Variants in NR2C2 observed in about 807,000 individuals in gnomAD.
NR2C2 encodes the protein nuclear receptor subfamily 2 group C member 2.
Under a neutral mutation model 62.9 loss-of-function variants are expected in NR2C2, and 6 were observed. That is an observed-to-expected ratio of 0.10 (90% CI 0.05 to 0.19). The LOEUF (loss-of-function observed/expected upper bound fraction) is 0.19, where lower values mean the gene tolerates loss of function less well. Among genes scored for constraint, NR2C2 ranks in the 10% least tolerant of loss-of-function variants. NR2C2 has a pLI of 1.00. For missense variants in NR2C2, 479 were observed against 762.7 expected, an observed-to-expected ratio of 0.63 and a Z score of 4.38; for synonymous variants, 272 against 273.8, an observed-to-expected ratio of 0.99 and a Z score of 0.07.
chr3:15,036,701 A>G (rs2042112679), intron 11 of NR2C2, among the ~76,000 whole-genome samples: 1 of 152,188 alleles, frequency 6.6e-6, no homozygotes, highest in African/African-American at 2.4e-5. Flanking sequence ...TGTGCTGCCT[A>G]GGCTTGGAAT....
In NR2C2 at chr3:15,043,084, T is replaced by C; in HGVS notation, c.*76T>C. On this transcript the variant is annotated 3_prime_UTR_variant, in exon 14 of 14. Transcript: ENST00000425241. ...ACATACAAAGAAAAGTAGTGGTATT[T>C]TGGTATGTGCAAATATTTCCATATG... 7.1e-7 allele frequency: 1 copy of C among 1,413,456 alleles called. No homozygotes were observed. The highest frequency in any genetic ancestry group is 1.5e-5 in the South Asian group (1 of 67,640). The allele number at this position is 1,413,456 out of a possible 1,614,324, so 87.6% of individuals were successfully genotyped here.
chr3:15,004,663 A>G, intron 2 of NR2C2: 1 of 1,592,180 alleles, frequency 6.3e-7, no homozygotes, highest in Non-Finnish European at 8.6e-7. Flanking sequence ...GGGATAATAT[A>G]TTGATGACAA....
chr3:15,001,677 C>G (rs2041007899), intron 1 of NR2C2, among the ~76,000 whole-genome samples: 1 of 152,018 alleles, frequency 6.6e-6, no homozygotes, highest in Admixed American at 6.6e-5. Context: ...TGTGTAGTGA[C>G]ACAATCATGG....
At chr3:14,955,130 T>C (rs1247434928) in intron 1 of NR2C2, among the ~76,000 whole-genome samples, 1 of 152,118 alleles carries the variant, frequency 6.6e-6, no homozygotes, top group Non-Finnish European at 1.5e-5. Flanking sequence ...CGAGCCTGGC[T>C]GGTTTGTGCC....
intron 1 of NR2C2, among the ~76,000 whole-genome samples, chr3:14,999,470 AAC>A (rs1182485368): frequency 6.6e-6 from 1 of 152,208 alleles, no homozygotes; most frequent in East Asian, 1.9e-4. Context: ...TAGCACAGGC[AAC>A]AGAGTAAGAG....
intron 5 of NR2C2, 25 bp from the exon 6 acceptor site, chr3:15,023,175 A>G (rs1380427772): frequency 2.5e-6 from 4 of 1,610,914 alleles, no homozygotes; most frequent in Middle Eastern, 1.7e-4. Flanking sequence ...TTCTCTAAAC[A>G]CAAATATTTA....
intron 2 of NR2C2, among the ~76,000 whole-genome samples, chr3:15,012,110 T>C (rs1481892129): frequency 1.3e-5 from 2 of 152,230 alleles, no homozygotes; most frequent in East Asian, 3.8e-4. Context: ...ATTGAATCTT[T>C]TCTTGCCTAT....
chr3:14,954,306 A>C (rs1559524867), intron 1 of NR2C2, among the ~76,000 whole-genome samples: 1 of 150,960 alleles, frequency 6.6e-6, no homozygotes, highest in Non-Finnish European at 1.5e-5. Context: ...TTTCTAAAGA[A>C]ATAAACAATG....
At chr3:15,016,334 A>T in intron 4 of NR2C2, 80 bp downstream of exon 4, 1 of 965,122 alleles carries the variant, frequency 1.0e-6, no homozygotes, top group Non-Finnish European at 1.6e-6. Context: ...GTGGTAGTTA[A>T]TTTAGAAGGA....
Position 15,047,357 on chromosome 3 carries a change from C to T in NR2C2, c.*4349C>T, listed in dbSNP as rs940996451. On this transcript the variant is annotated 3_prime_UTR_variant, in exon 14 of 14. Coordinates refer to ENST00000425241, the MANE Select transcript of NR2C2 (RefSeq NM_001291694.2). ...AGAGGTTCTGACAGGGTGACATTTCCGTATATTCTCTAGGTTCGGACAAGA... is the reference window on the plus strand; with the variant it reads ...AGAGGTTCTGACAGGGTGACATTTCTGTATATTCTCTAGGTTCGGACAAGA... The T allele has an allele frequency of 6.6e-6, 1 of 152,146 alleles. No individual in the cohort carries two copies. The highest frequency in any genetic ancestry group is 2.4e-5 in the African/African-American group (1 of 41,436). The allele number at this position is 152,146 out of a possible 1,614,324, so 9.4% of individuals were successfully genotyped here.
chr3:15,011,756 G>T (rs1057028444), intron 2 of NR2C2, among the ~76,000 whole-genome samples: 1 of 152,134 alleles, frequency 6.6e-6, no homozygotes, highest in Non-Finnish European at 1.5e-5. Context: ...TGCCTCTCTG[G>T]TCTTGCACTT....
chr3:14,976,909 A>G (rs2040222934), intron 1 of NR2C2, among the ~76,000 whole-genome samples: 1 of 151,912 alleles, frequency 6.6e-6, no homozygotes, highest in South Asian at 2.1e-4. Context: ...CTGGTTGTTA[A>G]GATCTTTTCT....
chr3:15,014,635 G>C (rs1184965488), intron 3 of NR2C2, among the ~76,000 whole-genome samples: 1 of 151,956 alleles, frequency 6.6e-6, no homozygotes, highest in East Asian at 1.9e-4. Context: ...TGTACTCATT[G>C]AATAGTAACT....
intron 7 of NR2C2, 45 bp downstream of exon 7, chr3:15,024,253 T>C (rs753882482): frequency 1.5e-6 from 2 of 1,355,400 alleles, no homozygotes; most frequent in South Asian, 2.6e-5. Context: ...TATGTTGACA[T>C]TGCAGGCTGC....
intron 7 of NR2C2, chr3:15,025,638 T>C (rs1315410052): frequency 2.0e-5 from 3 of 152,258 alleles, no homozygotes; most frequent in Admixed American, 6.5e-5. Flanking sequence ...GAAGTAATTA[T>C]ACATTTAAAA....
At chr3:15,006,857 C>A (rs1223216887) in intron 2 of NR2C2, among the ~76,000 whole-genome samples, 1 of 151,260 alleles carries the variant, frequency 6.6e-6, no homozygotes, top group Non-Finnish European at 1.5e-5. Flanking sequence ...CTCACTGCAA[C>A]TTCTGCCTCC....
intron 7 of NR2C2, 42 bp downstream of exon 7, chr3:15,024,250 A>C: frequency 1.4e-6 from 2 of 1,379,454 alleles, no homozygotes. Flanking sequence ...CTTTATGTTG[A>C]CATTGCAGGC....
chr3:15,003,996 A>G lies in NR2C2; in HGVS notation c.72+10A>G, dbSNP rs369151777. On this transcript the variant is annotated intron_variant, in intron 2 of 13. Coordinates refer to ENST00000425241, the MANE Select transcript of NR2C2 (RefSeq NM_001291694.2). ...ACCTCAGCGCATTCAGGTACCTGCA[A>G]CCTGCCAATGGCAACCCTGCCTTTC... The G allele has an allele frequency of 4.4e-5, 70 of 1,603,078 alleles. No homozygotes were observed. The East Asian group carries it at 6.1e-4, about 14-fold the overall frequency.
intron 10 of NR2C2, 78 bp from the exon 11 acceptor site, chr3:15,034,592 G>T: frequency 6.7e-7 from 1 of 1,483,350 alleles, no homozygotes; most frequent in East Asian, 2.3e-5. Context: ...GAAATGCTGG[G>T]ACTTAGTGCC....
Sources: gnomAD v4.1 joint callset for allele counts (sites outside exome capture counted in the v4.1 genomes callset) on GRCh38, gnomAD v4.1.1 for gene constraint, MANE v1.5 for transcripts, NCBI Gene and HGNC (gene_info 2026-07-23, HGNC 2026-07-21) for gene names.